ATOH8: variants seen among roughly 807,000 people sequenced by gnomAD.
The protein encoded by ATOH8 is transcription factor ATOH8.
In ATOH8, 9 loss-of-function variants were observed where a neutral mutation model predicts 21.2. The ratio of observed to expected loss-of-function variants is 0.42; its 90% CI spans 0.26 to 0.74. The LOEUF (loss-of-function observed/expected upper bound fraction) is 0.74, where lower values mean the gene tolerates loss of function less well. Among genes scored for constraint, ATOH8 ranks in the 30% least tolerant of loss-of-function variants. ATOH8 has a pLI of 0.24. For missense variants in ATOH8, 524 were observed against 470.9 expected (o/e 1.11, Z -1.04); for synonymous variants, 253 against 224.0 (o/e 1.13, Z -1.16).
chr2:85,777,900 G>T (rs895893541), intron 2 of ATOH8, among the ~76,000 whole-genome samples: 2 of 152,192 alleles, frequency 1.3e-5, no homozygotes, highest in Admixed American at 6.5e-5. Context: ...AATACCGAAG[G>T]GCGGCTCCTC....
intron 2 of ATOH8, chr2:85,772,527 A>T: frequency 2.8e-6 from 1 of 351,904 alleles, no homozygotes; most frequent in South Asian, 2.2e-5. Flanking sequence ...CCAAGCACTC[A>T]GTCACCACAG....
chr2:85,763,817 C>T (rs759591175), intron 1 of ATOH8, among the ~76,000 whole-genome samples, 174 bp from the exon 2 acceptor site: 26 of 93,250 alleles, frequency 2.8e-4, no homozygotes, highest in Admixed American at 9.5e-4. Context: ...AGCAGATGAG[C>T]TGACGTGTGT....
intron 1 of ATOH8, among the ~76,000 whole-genome samples, chr2:85,762,407 G>T (rs1278785430): frequency 6.6e-6 from 1 of 152,184 alleles, no homozygotes; most frequent in Admixed American, 6.5e-5. Context: ...CAGAGGGAGA[G>T]ATCATTCATT....
intron 2 of ATOH8, among the ~76,000 whole-genome samples, chr2:85,772,175 T>G: frequency 6.6e-6 from 1 of 150,860 alleles, no homozygotes; most frequent in African/African-American, 2.5e-5. Context: ...GCCCTGGTGG[T>G]AGCGAGGGGT....
chr2:85,765,037 A>G (rs1035044798), intron 2 of ATOH8, among the ~76,000 whole-genome samples: 1 of 152,194 alleles, frequency 6.6e-6, no homozygotes, highest in Non-Finnish European at 1.5e-5. Context: ...GCACAGCTAT[A>G]GGTCCCCAGG....
intron 2 of ATOH8, among the ~76,000 whole-genome samples, chr2:85,767,358 A>G (rs141981526): frequency 1.6e-4 from 25 of 152,070 alleles, no homozygotes; most frequent in Non-Finnish European, 2.8e-4. Flanking sequence ...CACAGCGCTC[A>G]GTCCTGCCAC....
Position 85,754,249 on chromosome 2 carries a change from G to C in ATOH8, c.60G>C (p.Leu20=), listed in dbSNP as rs745634794. 1.1e-4 allele frequency: 174 copies of C among 1,609,348 alleles called. 2 individuals carry two copies. In the South Asian group the frequency reaches 1.5e-3, roughly 14 times the overall value. The change falls in exon 1 of 3, where the codon CTG becomes CTC. Residue 20 remains leucine (L), a synonymous_variant. Coordinates refer to ENST00000306279, the MANE Select transcript of ATOH8 (RefSeq NM_032827.7). ...GPWKTVCVKE[L]NGLKKLKRKG... ...GGAAGACCGTGTGCGTGAAGGAGCT[G>C]AACGGCCTTAAGAAGCTCAAGCGGA...
Position 85,754,916 on chromosome 2 carries a change from G to T in ATOH8, c.727G>T (p.Val243Leu). 1 of 1,608,320 alleles carries T rather than the reference G, an allele frequency of 6.2e-7. No homozygotes were observed. The highest frequency in any genetic ancestry group is 8.5e-7 in the Non-Finnish European group (1 of 1,179,522). The change falls in exon 1 of 3, where the codon GTG (valine) becomes TTG (leucine). Residue 243 changes from valine (V) to leucine (L), a missense_variant. Transcript: ENST00000306279. ...GGCGAACGCCAGGGAGCGGACGCGG[G>T]TGCACACCATCAGCGCAGCCTTCGA... ...LLANARERTR[V>L]HTISAAFEAL...
At chr2:85,776,050 T>C (rs1463155430) in intron 2 of ATOH8, among the ~76,000 whole-genome samples, 2 of 152,200 alleles carry the variant, frequency 1.3e-5, no homozygotes, top group Admixed American at 1.3e-4. Flanking sequence ...CACTGCACTT[T>C]CCGGTTTGCA....
chr2:85,777,894 C>T (rs1680371316), intron 2 of ATOH8, among the ~76,000 whole-genome samples: 1 of 152,152 alleles, frequency 6.6e-6, no homozygotes, highest in Admixed American at 6.5e-5. Flanking sequence ...TCCACAAATA[C>T]CGAAGGGCGG....
chr2:85,784,113 A>T (rs1680566777), intron 2 of ATOH8, among the ~76,000 whole-genome samples: 1 of 152,164 alleles, frequency 6.6e-6, no homozygotes, highest in African/African-American at 2.4e-5. Flanking sequence ...TGACCTTTGC[A>T]AGCCCTTTGC....
At position 85,789,483 on chromosome 2, in the gene ATOH8, G is replaced by C. The variant is rs1251379059; in HGVS notation, c.*2593G>C. Among the ~76,000 whole-genome samples, 2 of 152,220 alleles carry C rather than the reference G, an allele frequency of 1.3e-5. No homozygotes were observed. The highest frequency in any genetic ancestry group is 2.4e-5 in the African/African-American group (1 of 41,464). On this transcript the variant is annotated 3_prime_UTR_variant, in exon 3 of 3. Transcript: ENST00000306279. ...TTCTCAGGAAGGATTTCCCTGGAAA[G>C]TAGCCATGGGACTTGCGTCTTAAAT...
At chr2:85,774,419 T>G in intron 2 of ATOH8, 1 of 985,576 alleles carries the variant, frequency 1.0e-6, no homozygotes, top group Non-Finnish European at 1.2e-6. Context: ...CCATGCCCTT[T>G]CTACCTGCCC....
chr2:85,787,071 C>G lies in ATOH8; in HGVS notation c.*181C>G. 1 of 724,362 alleles carries G rather than the reference C, an allele frequency of 1.4e-6. No homozygotes were observed. The highest frequency in any genetic ancestry group is 2.2e-6 in the Non-Finnish European group (1 of 445,382). The allele number at this position is 724,362 out of a possible 1,614,324, so 44.9% of individuals were successfully genotyped here. A position where few individuals can be genotyped will look rare whatever the true frequency, so the allele number is the denominator to read the frequency against. ...GCCTCCCTCTCCCCTCCGCCCTCAC[C>G]CAGCCAATCCGAGGCTGCTTCGCAC... is the stretch of plus-strand genomic sequence containing the variant. On this transcript the variant is annotated 3_prime_UTR_variant, in exon 3 of 3. Coordinates refer to ENST00000306279, the MANE Select transcript of ATOH8 (RefSeq NM_032827.7).
rs1447730991 is a variant in ATOH8, at chr2:85,790,791, A to G, written c.*3901A>G. 6.6e-6 allele frequency among the ~76,000 whole-genome samples: 1 copy of G among 152,164 alleles called. No individual in the cohort carries two copies. The highest frequency in any genetic ancestry group is 1.5e-5 in the Non-Finnish European group (1 of 68,028). The stretch of plus-strand genomic sequence containing the variant: ...GGAGGCATAGGTGCAGCTAATTAGG[A>G]TAAGACAGGGGCCGCGCTGTGGTCA... On this transcript the variant is annotated 3_prime_UTR_variant, in exon 3 of 3. Transcript: ENST00000306279.
chr2:85,786,656 C>G (rs889747710), intron 2 of ATOH8, among the ~76,000 whole-genome samples: 5 of 152,226 alleles, frequency 3.3e-5, no homozygotes, highest in African/African-American at 4.8e-5. Context: ...TTTCCCCAAA[C>G]CAACCAAAAC....
chr2:85,779,305 G>T (rs888438088), intron 2 of ATOH8, among the ~76,000 whole-genome samples: 2 of 152,352 alleles, frequency 1.3e-5, no homozygotes, highest in East Asian at 1.9e-4. Flanking sequence ...GAGCTGGGGT[G>T]GGGGGCAAGA....
In ATOH8 at chr2:85,787,769, A is replaced by T. The variant is rs1368062655; in HGVS notation, c.*879A>T. On this transcript the variant is annotated 3_prime_UTR_variant, in exon 3 of 3. Transcript: ENST00000306279. ...TGGGCAGGCCCTGCCATGGACAGAAAAAGAGTTTTTCTCTTGTTCAGCCTG... is the reference window on the plus strand; with the variant it reads ...TGGGCAGGCCCTGCCATGGACAGAATAAGAGTTTTTCTCTTGTTCAGCCTG... The T allele has an allele frequency of 1.3e-5, 2 of 152,746 alleles. No individual in the cohort carries two copies. Among genetic ancestry groups the T allele is most frequent in the African/African-American group, 4.8e-5 (2 of 41,454 alleles). 9.5% of individuals were successfully genotyped at this position (152,746 alleles called of 1,614,324 possible).
chr2:85,754,300 G>A lies in ATOH8; in HGVS notation c.111G>A (p.Ala37=). The part of the protein sequence containing the change: ...KRKGKEPARR[A]NGYKTFRLDL... ...AAGGCAAGGAGCCGGCGCGGCGCGC[G>A]AACGGCTATAAAACTTTCCGACTGG... The change falls in exon 1 of 3, where the codon GCG becomes GCA. Residue 37 remains alanine, a synonymous_variant. Transcript: ENST00000306279. 1 of 1,609,994 alleles carries A rather than the reference G, an allele frequency of 6.2e-7. No individual in the cohort carries two copies. The highest frequency in any genetic ancestry group is 2.2e-5 in the East Asian group (1 of 44,582).
Sources: allele counts gnomAD v4.1 joint callset (sites outside exome capture counted in the v4.1 genomes callset), GRCh38; gene constraint gnomAD v4.1.1; transcripts MANE v1.5; gene names NCBI Gene and HGNC (gene_info 2026-07-23, HGNC 2026-07-21).